Variants in ELMOD1 observed in about 807,000 individuals in gnomAD.
ELMOD1 encodes the protein ELMO domain-containing protein 1.
Under a neutral mutation model 46.7 loss-of-function variants are expected in ELMOD1, and 21 were observed. The ratio of observed to expected loss-of-function variants is 0.45; its 90% CI spans 0.32 to 0.65. The LOEUF (loss-of-function observed/expected upper bound fraction) is 0.65. ELMOD1 is among the 30% of genes least tolerant of loss of function. ELMOD1 has a pLI of 0.04. For missense variants in ELMOD1, 348 were observed against 407.8 expected (o/e 0.85, Z 1.26); for synonymous variants, 122 against 138.2 (o/e 0.88, Z 0.82).
At chr11:107,622,467 C>T (rs571766334) in intron 2 of ELMOD1, among the ~76,000 whole-genome samples, 20 of 152,270 alleles carry the variant, frequency 1.3e-4, no homozygotes, top group Non-Finnish European at 1.9e-4. Flanking sequence ...GAAGGAGAAT[C>T]GGATAAAAAT....
chr11:107,665,096 G>A lies in ELMOD1; in HGVS notation c.904G>A (p.Val302Met), dbSNP rs897645813. ...DPMDIMEFNRVREKFRKRIIK... is the reference protein window; with the variant it reads ...DPMDIMEFNRMREKFRKRIIK... ...CATGGACATAATGGAATTTAATCGT[G>A]TGAGGGAGAAATTCCGCAAGAGGAT... Residue 302 changes from valine (V) to methionine (M), a missense_variant, in exon 12 of 12, where the codon GTG (valine) becomes ATG (methionine). Transcript: ENST00000265840. The A allele has an allele frequency of 1.2e-6, 2 of 1,613,884 alleles. No individual in the cohort carries two copies. The highest frequency in any genetic ancestry group is 1.7e-6 in the Non-Finnish European group (2 of 1,179,842).
Position 107,619,578 on chromosome 11 carries a change from A to G in ELMOD1, c.17+1372A>G, listed in dbSNP as rs907122390. On this transcript the variant is annotated intron_variant, in intron 2 of 11. Transcript: ENST00000265840. ...TGGTGGTAAGGTTGCCAAGTCTTGT[A>G]CTACTCAATTTCTTCCTCGATGTCT... Among the ~76,000 whole-genome samples the G allele has an allele frequency of 2.6e-5, 4 of 152,340 alleles. No homozygotes were observed. In the East Asian group the frequency reaches 5.8e-4, roughly 22 times the overall value.
intron 2 of ELMOD1, among the ~76,000 whole-genome samples, chr11:107,627,182 C>T (rs911107106): frequency 2.0e-5 from 3 of 152,092 alleles, no homozygotes; most frequent in Non-Finnish European, 4.4e-5. Context: ...TATTTGTGGG[C>T]ATGTTGGCCC....
chr11:107,654,610 A>C (rs1866590788), intron 10 of ELMOD1, among the ~76,000 whole-genome samples: 1 of 152,090 alleles, frequency 6.6e-6, no homozygotes, highest in Admixed American at 6.5e-5. Flanking sequence ...TCTACTAAAA[A>C]TACAAAAAAT....
rs146344345 is a variant in ELMOD1, at chr11:107,656,641, T to C, written c.832+575T>C. ...TTTCTCATTCAAAAATCTACACTTA[T>C]ATTTTCAGGCATGGTAAATTCTTCT... On this transcript the variant is annotated intron_variant, in intron 11 of 11. Transcript: ENST00000265840. 8.3e-3 allele frequency among the ~76,000 whole-genome samples: 1,256 copies of C among 152,116 alleles called. 20 individuals are homozygous for C. The highest frequency in any genetic ancestry group is 0.028 in the African/African-American group (1,162 of 41,526).
chr11:107,592,668 C>T (rs538197405), intron 1 of ELMOD1: 1 of 229,080 alleles, frequency 4.4e-6, no homozygotes, highest in Non-Finnish European at 9.0e-6. Context: ...AGGTATTTCT[C>T]TCATCTTAAT....
intron 5 of ELMOD1, among the ~76,000 whole-genome samples, chr11:107,634,610 G>C (rs184484238): frequency 6.6e-6 from 1 of 152,142 alleles, no homozygotes; most frequent in Non-Finnish European, 1.5e-5. Context: ...ATGTAGTGCT[G>C]GGCACCTGTA....
At chr11:107,615,567 G>A (rs980677282) in intron 1 of ELMOD1, among the ~76,000 whole-genome samples, 1 of 152,052 alleles carries the variant, frequency 6.6e-6, no homozygotes, top group Non-Finnish European at 1.5e-5. Flanking sequence ...TTATACATTT[G>A]TCACAACTAA....
chr11:107,634,090 A>G (rs1453922840), intron 5 of ELMOD1, among the ~76,000 whole-genome samples: 1 of 152,186 alleles, frequency 6.6e-6, no homozygotes, highest in Non-Finnish European at 1.5e-5. Flanking sequence ...AGTGATTATA[A>G]TGACCACCAC....
chr11:107,660,897 CA>C (rs1490016030), intron 11 of ELMOD1, among the ~76,000 whole-genome samples: 1 of 152,208 alleles, frequency 6.6e-6, no homozygotes, highest in African/African-American at 2.4e-5. Flanking sequence ...TTAGGGAGCA[CA>C]GGAAGTCTGC....
At chr11:107,640,414 A>G (rs937425976) in intron 6 of ELMOD1, among the ~76,000 whole-genome samples, 2 of 152,210 alleles carry the variant, frequency 1.3e-5, no homozygotes, top group Non-Finnish European at 2.9e-5. Context: ...TGTGGACATA[A>G]GAATTCTTAA....
intron 1 of ELMOD1, among the ~76,000 whole-genome samples, chr11:107,595,518 A>G (rs2135642809): frequency 6.6e-6 from 1 of 152,332 alleles, no homozygotes. Context: ...CTTCGCATGA[A>G]CACGGCTTAT....
At position 107,591,277 on chromosome 11, in the gene ELMOD1, A is replaced by T. The variant is rs1865383028; in HGVS notation, c.-218A>T. On this transcript the variant is annotated 5_prime_UTR_variant, in exon 1 of 12. Coordinates refer to ENST00000265840, the MANE Select transcript of ELMOD1 (RefSeq NM_018712.4). ...GCGGCAGCCGCGGCCGCCCCTGTCC[A>T]GCCTCGGCGCCCGGGACCGAGCGCG... is the stretch of plus-strand genomic sequence containing the variant. 6.6e-6 allele frequency: 1 copy of T among 152,070 alleles called. No individual in the cohort carries two copies. The highest frequency in any genetic ancestry group is 1.5e-5 in the Non-Finnish European group (1 of 68,112). The allele number at this position is 152,070 out of a possible 1,614,324, so 9.4% of individuals were successfully genotyped here. A position where few individuals can be genotyped will look rare whatever the true frequency, so the allele number is the denominator to read the frequency against.
intron 1 of ELMOD1, among the ~76,000 whole-genome samples, chr11:107,603,110 C>G (rs537205130): frequency 2.2e-4 from 33 of 152,352 alleles, no homozygotes; most frequent in African/African-American, 7.7e-4. Flanking sequence ...TCATTTTCCT[C>G]CATCACCAAG....
intron 1 of ELMOD1, among the ~76,000 whole-genome samples, chr11:107,608,576 T>C (rs1865726386): frequency 6.6e-6 from 1 of 152,176 alleles, no homozygotes; most frequent in Non-Finnish European, 1.5e-5. Flanking sequence ...TATTTTTACT[T>C]TTAGTTATTT....
At chr11:107,662,798 G>A (rs563262157) in intron 11 of ELMOD1, among the ~76,000 whole-genome samples, 2 of 151,944 alleles carry the variant, frequency 1.3e-5, no homozygotes, top group Admixed American at 6.6e-5. Context: ...GGTGGCACAC[G>A]CTCGAATTGC....
At chr11:107,652,481 A>G (rs913749463) in intron 9 of ELMOD1, among the ~76,000 whole-genome samples, 9 of 152,216 alleles carry the variant, frequency 5.9e-5, no homozygotes, top group African/African-American at 2.2e-4. Context: ...GTATCAAATA[A>G]GTAGAGATCA....
At chr11:107,650,992 A>G in intron 9 of ELMOD1, 84 bp downstream of exon 9, 5 of 771,878 alleles carry the variant, frequency 6.5e-6, no homozygotes, top group Non-Finnish European at 9.2e-6. Flanking sequence ...AGGAACTCTG[A>G]ATTTATTTGT....
At chr11:107,658,710 A>G (rs1384339429) in intron 11 of ELMOD1, among the ~76,000 whole-genome samples, 1 of 152,234 alleles carries the variant, frequency 6.6e-6, no homozygotes, top group African/African-American at 2.4e-5. Context: ...CAAGAAGGGC[A>G]GATCACTTGA....
Sources: allele counts gnomAD v4.1 joint callset (sites outside exome capture counted in the v4.1 genomes callset), GRCh38; gene constraint gnomAD v4.1.1; transcripts MANE v1.5; gene names NCBI Gene and HGNC (gene_info 2026-07-23, HGNC 2026-07-21).